The following B3GALT1 variants were observed in gnomAD, a reference collection of about 807,000 sequenced individuals.
The protein encoded by B3GALT1 is beta-1,3-galactosyltransferase 1.
A neutral mutation model predicts 23.2 loss-of-function variants in B3GALT1; 10 were observed. The observed-to-expected ratio is 0.43, with a 90% CI of 0.27 to 0.73. B3GALT1 has a LOEUF of 0.73. Ranked by LOEUF, B3GALT1 falls within the 30% of genes least tolerant of loss-of-function variation. The pLI is 0.21. For synonymous variants in B3GALT1, 156 were observed against 141.5 expected, an observed-to-expected ratio of 1.10 and a Z score of -0.73; for missense variants, 299 against 405.4, an observed-to-expected ratio of 0.74 and a Z score of 2.25.
At chr2:167,478,071 A>T (rs1699511087) in intron 1 of B3GALT1, among the ~76,000 whole-genome samples, 1 of 152,248 alleles carries the variant, frequency 6.6e-6, no homozygotes, top group Non-Finnish European at 1.5e-5. Context: ...GCAATGAAAT[A>T]AATTTGAGGT....
At chr2:167,867,644 T>C (rs1243316468) in intron 4 of B3GALT1, among the ~76,000 whole-genome samples, 1 of 152,230 alleles carries the variant, frequency 6.6e-6, no homozygotes, top group East Asian at 1.9e-4. Flanking sequence ...CCCAATTAAA[T>C]TATTTCTACA....
chr2:167,797,798 T>A (rs1463943901), intron 3 of B3GALT1, among the ~76,000 whole-genome samples: 7 of 152,176 alleles, frequency 4.6e-5, no homozygotes, highest in Non-Finnish European at 8.8e-5. Flanking sequence ...AAGCTCTGCC[T>A]CCTGGGTTCA....
At chr2:167,407,175 C>G (rs1698295539) in intron 1 of B3GALT1, among the ~76,000 whole-genome samples, 1 of 151,948 alleles carries the variant, frequency 6.6e-6, no homozygotes. Context: ...AACTAGAAAT[C>G]AATAACAAGA....
At chr2:167,718,632 G>A (rs1687187411) in intron 3 of B3GALT1, among the ~76,000 whole-genome samples, 1 of 152,068 alleles carries the variant, frequency 6.6e-6, no homozygotes, top group Non-Finnish European at 1.5e-5. Flanking sequence ...TGTGACACAA[G>A]GCCTTCAAAA....
At chr2:167,749,719 G>A (rs960006298) in intron 3 of B3GALT1, among the ~76,000 whole-genome samples, 8 of 152,144 alleles carry the variant, frequency 5.3e-5, no homozygotes, top group Non-Finnish European at 1.2e-4. Context: ...CTTAAACTAA[G>A]TTTCTCCAAC....
intron 1 of B3GALT1, among the ~76,000 whole-genome samples, chr2:167,418,409 A>G (rs928550214): frequency 2.0e-5 from 3 of 151,652 alleles, no homozygotes; most frequent in African/African-American, 7.3e-5. Context: ...TGGGGAAAGG[A>G]TGATGAAAAA....
At chr2:167,455,728 G>T (rs1699159846) in intron 1 of B3GALT1, among the ~76,000 whole-genome samples, 1 of 152,054 alleles carries the variant, frequency 6.6e-6, no homozygotes, top group Non-Finnish European at 1.5e-5. Context: ...GGACACACTG[G>T]TGTCCAACTC....
intron 3 of B3GALT1, among the ~76,000 whole-genome samples, chr2:167,699,826 C>G (rs554190995): frequency 6.6e-6 from 1 of 152,230 alleles, no homozygotes; most frequent in South Asian, 2.1e-4. Context: ...GATTCTCCTG[C>G]CTCAGCCTAC....
chr2:167,577,018 C>T (rs895724647), intron 2 of B3GALT1, among the ~76,000 whole-genome samples: 1 of 151,768 alleles, frequency 6.6e-6, no homozygotes, highest in South Asian at 2.1e-4. Context: ...TACTCTAGGA[C>T]TTTCATCACA....
intron 3 of B3GALT1, among the ~76,000 whole-genome samples, chr2:167,770,420 T>C (rs1425507103): frequency 6.6e-6 from 1 of 152,260 alleles, no homozygotes; most frequent in African/African-American, 2.4e-5. Context: ...CATTTGTATA[T>C]TCTTTTTGGT....
chr2:167,540,131 C>G (rs1683511627), intron 2 of B3GALT1, among the ~76,000 whole-genome samples: 2 of 152,112 alleles, frequency 1.3e-5, no homozygotes, highest in Admixed American at 1.3e-4. Context: ...GTTCTTGTCT[C>G]CCCTCTGAGT....
intron 1 of B3GALT1, among the ~76,000 whole-genome samples, chr2:167,448,059 A>G (rs962799845): frequency 5.9e-5 from 9 of 152,060 alleles, no homozygotes; most frequent in South Asian, 2.1e-4. Context: ...TGTTTTTGCA[A>G]TTGCCAATTG....
intron 3 of B3GALT1, among the ~76,000 whole-genome samples, chr2:167,648,794 A>G (rs1348059913): frequency 6.6e-6 from 1 of 152,000 alleles, no homozygotes; most frequent in Non-Finnish European, 1.5e-5. Flanking sequence ...GCTTTGCCTC[A>G]TACTTCTGTT....
At chr2:167,415,212 T>C (rs919337399) in intron 1 of B3GALT1, among the ~76,000 whole-genome samples, 4 of 152,090 alleles carry the variant, frequency 2.6e-5, no homozygotes, top group African/African-American at 9.7e-5. Context: ...CCTTCATGAA[T>C]GGATTAATGG....
At chr2:167,541,646 C>T (rs1683535376) in intron 2 of B3GALT1, among the ~76,000 whole-genome samples, 1 of 152,012 alleles carries the variant, frequency 6.6e-6, no homozygotes, top group African/African-American at 2.4e-5. Flanking sequence ...TCTGGAATCA[C>T]TGCAGTAGTG....
chr2:167,606,053 A>G (rs1368432947), intron 2 of B3GALT1, among the ~76,000 whole-genome samples: 2 of 152,162 alleles, frequency 1.3e-5, no homozygotes, highest in Non-Finnish European at 2.9e-5. Flanking sequence ...TAAAATCAAG[A>G]TATTTTTTAA....
intron 2 of B3GALT1, among the ~76,000 whole-genome samples, chr2:167,574,522 A>C (rs1182186068): frequency 1.3e-5 from 2 of 151,746 alleles, no homozygotes; most frequent in Non-Finnish European, 3.0e-5. Context: ...CATGTTTGAA[A>C]AAGAAATGAA....
intron 1 of B3GALT1, among the ~76,000 whole-genome samples, chr2:167,364,927 A>C (rs1697563879): frequency 6.6e-6 from 1 of 152,228 alleles, no homozygotes; most frequent in Non-Finnish European, 1.5e-5. Flanking sequence ...TGCTTCAATA[A>C]ACAAAATAGA....
At chr2:167,452,046 G>T (rs912620944) in intron 1 of B3GALT1, among the ~76,000 whole-genome samples, 3 of 152,102 alleles carry the variant, frequency 2.0e-5, no homozygotes, top group African/African-American at 4.8e-5. Flanking sequence ...CAACAGCACC[G>T]GGTTTATTTC....
Sources: gnomAD v4.1 joint callset for allele counts (sites outside exome capture counted in the v4.1 genomes callset) on GRCh38, gnomAD v4.1.1 for gene constraint, MANE v1.5 for transcripts, NCBI Gene and HGNC (gene_info 2026-07-23, HGNC 2026-07-21) for gene names.